Variants in CLCN3 observed in about 807,000 individuals in gnomAD.
CLCN3 encodes the protein H(+)/Cl(-) exchange transporter 3.
In CLCN3, 16 loss-of-function variants were observed where a neutral mutation model predicts 83.4. That is an observed-to-expected ratio of 0.19 (90% confidence interval 0.13 to 0.29). The LOEUF is 0.29. CLCN3 is among the 10% of genes least tolerant of loss of function. The pLI is 1.00. For missense variants in CLCN3, 544 were observed against 1,006.0 expected (o/e 0.54, Z 6.21); for synonymous variants, 322 against 346.2 (o/e 0.93, Z 0.78).
intron 1 of CLCN3, among the ~76,000 whole-genome samples, chr4:169,629,929 C>T (rs933364756): frequency 6.6e-6 from 1 of 152,082 alleles, no homozygotes; most frequent in Non-Finnish European, 1.5e-5. Context: ...TGCTTTGTGC[C>T]TCAGTTCCTC....
rs572487134 is a variant in CLCN3, at chr4:169,717,741, C to G, written c.2367-2166C>G. The G allele has an allele frequency of 1.8e-3, 1,623 of 903,934 alleles. 16 individuals are homozygous for G. In the African/African-American group the frequency reaches 0.027, roughly 15 times the overall value. The allele number at this position is 903,934 out of a possible 1,614,324, so 56.0% of individuals were successfully genotyped here. ...CATTCTTTATCATTATGATTGGAAA[C>G]TCTTTTAATTTAATTTCTCACACAG... On this transcript the variant is annotated intron_variant, in intron 12 of 12. Transcript: ENST00000513761.
chr4:169,629,207 T>C (rs1364122889), intron 1 of CLCN3, among the ~76,000 whole-genome samples: 5 of 152,184 alleles, frequency 3.3e-5, no homozygotes, highest in Non-Finnish European at 5.9e-5. Context: ...TGTCCTTATC[T>C]TGATTGTGAT....
intron 2 of CLCN3, among the ~76,000 whole-genome samples, chr4:169,638,258 A>G (rs1184785819): frequency 1.3e-5 from 2 of 152,148 alleles, no homozygotes; most frequent in Admixed American, 1.3e-4. Flanking sequence ...TTCATGGAAA[A>G]TGCAGGGACT....
intron 9 of CLCN3, chr4:169,702,777 C>CAA (rs60812626): frequency 0.15 from 36,329 of 241,310 alleles, 3,397 homozygotes; most frequent in African/African-American, 0.27. Flanking sequence ...CCCATCTCTA[C>CAA]AAAAAAAAAA....
At chr4:169,712,272 T>C (rs1363787646) in intron 11 of CLCN3, among the ~76,000 whole-genome samples, 4 of 152,216 alleles carry the variant, frequency 2.6e-5, no homozygotes, top group South Asian at 4.1e-4. Context: ...ATTCTCTCCA[T>C]TGAGTTTCCT....
At chr4:169,658,826 G>C (rs1338213012) in intron 2 of CLCN3, among the ~76,000 whole-genome samples, 1 of 151,938 alleles carries the variant, frequency 6.6e-6, no homozygotes, top group Non-Finnish European at 1.5e-5. Context: ...TTCCTTTCCT[G>C]GAACCCTGTC....
chr4:169,720,329 G>A lies in CLCN3; in HGVS notation c.*332G>A. The A allele has an allele frequency of 3.1e-6, 1 of 322,950 alleles. No individual in the cohort carries two copies. Among genetic ancestry groups the A allele is most frequent in the Non-Finnish European group, 5.6e-6 (1 of 177,814 alleles). The allele number at this position is 322,950 out of a possible 1,614,324, so 20.0% of individuals were successfully genotyped here. ...TTGCGCCTCAACAGAGATGACAGCA[G>A]AGTCCTCGAGCACCTGGCCTGTTGC... On this transcript the variant is annotated 3_prime_UTR_variant, in exon 13 of 13. Coordinates refer to ENST00000513761, the MANE Select transcript of CLCN3 (RefSeq NM_001829.4).
At chr4:169,682,584 A>G (rs1731987564) in intron 3 of CLCN3, among the ~76,000 whole-genome samples, 1 of 152,240 alleles carries the variant, frequency 6.6e-6, no homozygotes, top group Non-Finnish European at 1.5e-5. Context: ...AACTTCATAC[A>G]TACTTCCACA....
intron 11 of CLCN3, among the ~76,000 whole-genome samples, chr4:169,708,325 A>G (rs1733069747): frequency 6.6e-6 from 1 of 152,212 alleles, no homozygotes; most frequent in Non-Finnish European, 1.5e-5. Flanking sequence ...AAAAGAAAGG[A>G]AAAGAAAAAA....
chr4:169,628,745 C>T (rs2150197538), intron 1 of CLCN3, among the ~76,000 whole-genome samples: 1 of 152,318 alleles, frequency 6.6e-6, no homozygotes, highest in Non-Finnish European at 1.5e-5. Context: ...TTGGCAGTTT[C>T]TTTAAAAAAC....
chr4:169,651,348 T>C (rs904785695), intron 2 of CLCN3, among the ~76,000 whole-genome samples: 3 of 152,140 alleles, frequency 2.0e-5, no homozygotes, highest in Non-Finnish European at 4.4e-5. Flanking sequence ...GCTTCATGTT[T>C]TGTGTTGTGG....
intron 3 of CLCN3, among the ~76,000 whole-genome samples, chr4:169,686,840 A>G (rs1732179304): frequency 6.6e-6 from 1 of 152,226 alleles, no homozygotes; most frequent in African/African-American, 2.4e-5. Context: ...GTGTTTTAGT[A>G]TAGTGAGATC....
chr4:169,715,191 C>T (rs1733377876), intron 12 of CLCN3, among the ~76,000 whole-genome samples: 2 of 151,860 alleles, frequency 1.3e-5, no homozygotes, highest in African/African-American at 4.8e-5. Flanking sequence ...TTGATTAATT[C>T]CCAGGTATTT....
intron 1 of CLCN3, among the ~76,000 whole-genome samples, chr4:169,622,071 C>G (rs543343617): frequency 1.1e-3 from 163 of 152,296 alleles, no homozygotes; most frequent in African/African-American, 3.9e-3. Context: ...TGGCAGAATT[C>G]ATCACAGATT....
chr4:169,642,088 T>G (rs1047219665), intron 2 of CLCN3, among the ~76,000 whole-genome samples: 8 of 152,236 alleles, frequency 5.3e-5, no homozygotes, highest in African/African-American at 1.9e-4. Flanking sequence ...AAAATTTATT[T>G]TTTTTTTTAA....
chr4:169,665,977 G>GT (rs146449064), intron 2 of CLCN3, among the ~76,000 whole-genome samples: 38 of 142,502 alleles, frequency 2.7e-4, no homozygotes, highest in East Asian at 6.0e-4. Context: ...TTAAGGTTGT[G>GT]TTGTTTTTTT....
chr4:169,719,493 G>A (rs1733552508), intron 12 of CLCN3, among the ~76,000 whole-genome samples: 1 of 152,106 alleles, frequency 6.6e-6, no homozygotes, highest in South Asian at 2.1e-4. Flanking sequence ...AAATGAAAAA[G>A]AGAAAATATT....
At chr4:169,634,866 TTTAAG>T (rs1298099095) in intron 1 of CLCN3, among the ~76,000 whole-genome samples, 1 of 152,196 alleles carries the variant, frequency 6.6e-6, no homozygotes, top group Non-Finnish European at 1.5e-5. Context: ...CAAAGTGATC[TTTAAG>T]TTAGGAAATT....
At chr4:169,628,246 T>G (rs1024286434) in intron 1 of CLCN3, among the ~76,000 whole-genome samples, 2 of 152,326 alleles carry the variant, frequency 1.3e-5, no homozygotes, top group South Asian at 4.1e-4. Context: ...GAGGTAGGGT[T>G]AGGCATATGT....
Sources: gnomAD v4.1 joint callset for allele counts (sites outside exome capture counted in the v4.1 genomes callset) on GRCh38, gnomAD v4.1.1 for gene constraint, MANE v1.5 for transcripts, NCBI Gene and HGNC (gene_info 2026-07-23, HGNC 2026-07-21) for gene names.